The following PSD3 variants were observed in gnomAD, a reference collection of about 807,000 sequenced individuals.
The protein encoded by PSD3 is PH and SEC7 domain-containing protein 3.
Under a neutral mutation model 105.5 loss-of-function variants are expected in PSD3, and 49 were observed. That is an observed-to-expected ratio of 0.46 (90% CI 0.37 to 0.59). PSD3 has a LOEUF of 0.59. PSD3 is among the 20% of genes least tolerant of loss of function. The pLI is 0.00. For synonymous variants in PSD3, 557 were observed against 457.8 expected, an observed-to-expected ratio of 1.22 and a Z score of -2.77; for missense variants, 1,561 against 1,263.8, an observed-to-expected ratio of 1.24 and a Z score of -3.57.
At position 18,900,253 on chromosome 8, in the gene PSD3, C is replaced by T. The variant is rs542675857; in HGVS notation, c.131-27520G>A. ...TTGTCATACACTAACCTCATTTTTT[C>T]TTAAATCATTGTAGAGTCTATAGGC... On this transcript the variant is annotated intron_variant, in intron 2 of 15. Transcript: ENST00000327040. 2.9e-4 allele frequency among the ~76,000 whole-genome samples: 44 copies of T among 152,260 alleles called. 1 individual carries two copies. The highest frequency in any genetic ancestry group is 1.6e-4 in the Non-Finnish European group (11 of 68,018).
intron 12 of PSD3, among the ~76,000 whole-genome samples, chr8:18,586,911 G>A (rs1331647234): frequency 2.0e-5 from 3 of 152,138 alleles, no homozygotes; most frequent in African/African-American, 4.8e-5. Flanking sequence ...GAGCCTGAGT[G>A]TGCTAGTGAG....
intron 10 of PSD3, among the ~76,000 whole-genome samples, chr8:18,635,276 T>G (rs1168788323): frequency 6.6e-6 from 1 of 152,154 alleles, no homozygotes; most frequent in African/African-American, 2.4e-5. Context: ...CAAGGAGCCT[T>G]GGTTCTTCTT....
At chr8:19,036,087 T>C (rs983653899) in intron 1 of PSD3, among the ~76,000 whole-genome samples, 1 of 152,150 alleles carries the variant, frequency 6.6e-6, no homozygotes. Flanking sequence ...GCTGTTGCAA[T>C]GTTCAAATCA....
intron 9 of PSD3, among the ~76,000 whole-genome samples, chr8:18,687,794 T>A (rs1435048784): frequency 6.6e-6 from 1 of 151,864 alleles, no homozygotes; most frequent in Admixed American, 6.6e-5. Flanking sequence ...TAAGATGGAG[T>A]CTTGCTCCAT....
At chr8:18,817,437 G>T (rs1360548207) in intron 4 of PSD3, among the ~76,000 whole-genome samples, 1 of 152,116 alleles carries the variant, frequency 6.6e-6, no homozygotes, top group Non-Finnish European at 1.5e-5. Flanking sequence ...GTGCCCCGAG[G>T]GCTAGTCTGT....
chr8:18,765,368 T>G, intron 9 of PSD3, 81 bp downstream of exon 9: 1 of 1,271,310 alleles, frequency 7.9e-7, no homozygotes, highest in Admixed American at 1.7e-5. Context: ...ACTTAAGTGA[T>G]CCTTAGCCTA....
intron 4 of PSD3, chr8:18,865,077 A>G (rs1816722145): frequency 6.6e-6 from 1 of 151,662 alleles, no homozygotes; most frequent in African/African-American, 2.4e-5. Context: ...CAAAAGAAGA[A>G]TAACAAAATA....
chr8:18,822,607 C>A (rs141327562), intron 4 of PSD3, among the ~76,000 whole-genome samples: 1 of 152,318 alleles, frequency 6.6e-6, no homozygotes, highest in East Asian at 1.9e-4. Flanking sequence ...ACAGTCTCTG[C>A]CTCCTGACCT....
chr8:19,042,884 T>C (rs1044584993), intron 1 of PSD3, among the ~76,000 whole-genome samples: 2 of 152,178 alleles, frequency 1.3e-5, no homozygotes, highest in African/African-American at 4.8e-5. Context: ...ATTGCTCTCA[T>C]CTCCAGTTAA....
chr8:18,941,241 G>T lies in PSD3; in HGVS notation c.22-5099C>A, dbSNP rs188571153. On this transcript the variant is annotated intron_variant, in intron 1 of 15. Coordinates refer to ENST00000327040, the MANE Select transcript of PSD3 (RefSeq NM_015310.4). ...TGAAACATTAGCAGCTGGACTGATG[G>T]TCAGGTGATCAGACTTAAATCTCGG... 9.9e-5 allele frequency among the ~76,000 whole-genome samples: 15 copies of T among 152,282 alleles called. No homozygotes were observed. In the East Asian group the frequency reaches 2.5e-3, roughly 25 times the overall value.
intron 4 of PSD3, among the ~76,000 whole-genome samples, chr8:18,812,102 G>A (rs1391101115): frequency 1.3e-5 from 2 of 152,088 alleles, no homozygotes; most frequent in Non-Finnish European, 2.9e-5. Context: ...TTTTCTCATA[G>A]CACTTAATTT....
chr8:18,752,046 G>A (rs940576847), intron 9 of PSD3, among the ~76,000 whole-genome samples: 1 of 151,160 alleles, frequency 6.6e-6, no homozygotes, highest in Admixed American at 6.6e-5. Flanking sequence ...AAATTAGCTG[G>A]GCGTGGTGGT....
chr8:18,765,474 A>T lies in PSD3; in HGVS notation c.2147T>A (p.Val716Asp). The change falls in exon 9 of 16, where the codon GTT (valine) becomes GAT (aspartate). Residue 716 changes from valine (V) to aspartate (D), a missense_variant. Physicochemically the swap from Val to Asp is radical, Grantham distance 152. Transcript: ENST00000327040. ...IANLQGVNEG[V>D]DFSKDLLKAL... ...TTTCAGCAGATCCTTGGAGAAATCA[A>T]CACCCTCATTTACCCCTTGCAGATT... is the stretch of plus-strand genomic sequence containing the variant. The T allele has an allele frequency of 6.2e-7, 1 of 1,612,410 alleles. No individual in the cohort carries two copies. The highest frequency in any genetic ancestry group is 1.1e-5 in the South Asian group (1 of 91,032).
At chr8:18,925,912 A>T (rs1821332124) in intron 2 of PSD3, among the ~76,000 whole-genome samples, 1 of 152,188 alleles carries the variant, frequency 6.6e-6, no homozygotes, top group South Asian at 2.1e-4. Context: ...TTTTTAAAAA[A>T]ATTTTCTTTC....
rs77802244 is a variant in PSD3 at position 18,536,717 on chromosome 8, T to C, written c.2929-759A>G. ...CCTTGATTCCTCCGTCTCTTGGATA[T>C]CTAAGATTTTTTTTTTCTTTTTCCA... On this transcript the variant is annotated intron_variant, in intron 15 of 15. Transcript: ENST00000327040. Among the ~76,000 whole-genome samples, 963 of 152,302 alleles carry C rather than the reference T, an allele frequency of 6.3e-3. 3 individuals are homozygous for C. The highest frequency in any genetic ancestry group is 0.017 in the East Asian group (90 of 5,176).
intron 15 of PSD3, among the ~76,000 whole-genome samples, chr8:18,536,186 C>G (rs1158665792): frequency 6.6e-6 from 1 of 152,176 alleles, no homozygotes; most frequent in East Asian, 1.9e-4. Flanking sequence ...CTCATTTGTT[C>G]TAGATTCTGA....
chr8:18,774,154 C>T (rs1181340554), intron 8 of PSD3, among the ~76,000 whole-genome samples: 1 of 147,804 alleles, frequency 6.8e-6, no homozygotes, highest in Non-Finnish European at 1.5e-5. Context: ...GATCAGTTCT[C>T]CCATACAGAT....
intron 6 of PSD3, among the ~76,000 whole-genome samples, chr8:18,803,832 G>T (rs35764685): frequency 2.6e-5 from 4 of 151,968 alleles, no homozygotes; most frequent in South Asian, 2.1e-4. Flanking sequence ...AGTTTTACAA[G>T]AAGAGAATCA....
rs551091856 is a variant in PSD3, at chr8:18,729,302, C to T, written c.2172+36147G>A. On this transcript the variant is annotated intron_variant, in intron 9 of 15. Transcript: ENST00000327040. ...CTTAAGCAATGAGCTAAGGAAACAG[C>T]TCTAAGTGGTTCTGATTTCAATTTC... Among the ~76,000 whole-genome samples, 5 of 152,306 alleles carry T rather than the reference C, an allele frequency of 3.3e-5. No individual in the cohort carries two copies. In the East Asian group the frequency reaches 9.6e-4, roughly 29 times the overall value.
Sources: gnomAD v4.1 joint callset for allele counts (sites outside exome capture counted in the v4.1 genomes callset) on GRCh38, gnomAD v4.1.1 for gene constraint, MANE v1.5 for transcripts, NCBI Gene and HGNC (gene_info 2026-07-23, HGNC 2026-07-21) for gene names.